The following SYNPR variants were observed in gnomAD, a reference collection of about 807,000 sequenced individuals.
The protein encoded by SYNPR is synaptoporin.
Under a neutral mutation model 32.9 loss-of-function variants are expected in SYNPR, and 23 were observed. The ratio of observed to expected loss-of-function variants is 0.70; its 90% CI spans 0.50 to 0.99. SYNPR has a LOEUF of 0.99. SYNPR is among the 50% of genes least tolerant of loss of function. The probability of loss-of-function intolerance (pLI) is 0.00; values close to 1 mark genes in which losing one functional copy is unlikely to be tolerated. For synonymous variants in SYNPR, 146 were observed against 135.9 expected (o/e 1.07, Z -0.52); for missense variants, 318 against 349.3 (o/e 0.91, Z 0.71).
At chr3:63,274,582 G>A (rs1056404644), upstream of SYNPR, among the ~76,000 whole-genome samples, 4 of 152,152 alleles carry the variant, frequency 2.6e-5, no homozygotes, top group Admixed American at 6.5e-5. Context: ...TACTAAATTG[G>A]GCTGAATGTA....
At chr3:63,441,463 G>C (rs1019439092) in intron 2 of SYNPR, among the ~76,000 whole-genome samples, 1 of 152,190 alleles carries the variant, frequency 6.6e-6, no homozygotes, top group African/African-American at 2.4e-5. Context: ...CCCCTTATCA[G>C]CCACCTGGAG....
intron 2 of SYNPR, among the ~76,000 whole-genome samples, chr3:63,449,265 T>C (rs939629080): frequency 3.9e-5 from 6 of 152,142 alleles, no homozygotes. Context: ...CATCTATCTA[T>C]TCAATAAATT....
chr3:63,489,339 G>C (rs879698280), intron 3 of SYNPR, among the ~76,000 whole-genome samples: 1 of 152,052 alleles, frequency 6.6e-6, no homozygotes, highest in Non-Finnish European at 1.5e-5. Context: ...TAATTCCCTG[G>C]GACTGCATGC....
chr3:63,265,575 T>G (rs1250705248), intron 2 of SYNPR, among the ~76,000 whole-genome samples: 1 of 152,200 alleles, frequency 6.6e-6, no homozygotes, highest in Non-Finnish European at 1.5e-5. Flanking sequence ...AAGTTTGAAA[T>G]GTATACCTTT....
At chr3:63,480,792 C>T (rs774181867) in intron 2 of SYNPR, 40 bp from the exon 3 acceptor site, 5 of 1,606,558 alleles carry the variant, frequency 3.1e-6, no homozygotes, top group East Asian at 4.5e-5. Flanking sequence ...GCAACATCAT[C>T]CTAATAACTG....
At chr3:63,365,096 A>T (rs545920589) in intron 2 of SYNPR, among the ~76,000 whole-genome samples, 6 of 152,128 alleles carry the variant, frequency 3.9e-5, no homozygotes, top group Non-Finnish European at 4.4e-5. Context: ...TTTAGGGAGG[A>T]TTAGCTGGCT....
chr3:63,583,193 C>T (rs1352050570), intron 4 of SYNPR, among the ~76,000 whole-genome samples: 1 of 151,998 alleles, frequency 6.6e-6, no homozygotes, highest in Admixed American at 6.6e-5. Context: ...TGGGGCAGGG[C>T]AGGAACAAGT....
intron 3 of SYNPR, among the ~76,000 whole-genome samples, chr3:63,553,756 T>C (rs545830866): frequency 6.6e-6 from 1 of 152,314 alleles, no homozygotes; most frequent in South Asian, 2.1e-4. Context: ...AGTTTCGCTC[T>C]TGTTGCCCAG....
intron 4 of SYNPR, among the ~76,000 whole-genome samples, chr3:63,579,813 A>ACG (rs1169449659): frequency 1.4e-5 from 2 of 146,794 alleles, no homozygotes; most frequent in African/African-American, 5.5e-5. Context: ...ACACACACAC[A>ACG]CACACACACA....
chr3:63,238,001 T>A (rs1026927139), intron 1 of SYNPR, among the ~76,000 whole-genome samples: 2 of 152,128 alleles, frequency 1.3e-5, no homozygotes, highest in East Asian at 3.9e-4. Flanking sequence ...TTGATGTTGT[T>A]GGTGGGACTC....
intron 2 of SYNPR, among the ~76,000 whole-genome samples, chr3:63,305,203 C>A (rs1418379290): frequency 1.3e-5 from 2 of 151,990 alleles, no homozygotes; most frequent in Non-Finnish European, 2.9e-5. Flanking sequence ...CATGAGTGAC[C>A]TTGAAAGTAT....
At chr3:63,461,253 T>C (rs550443130) in intron 2 of SYNPR, among the ~76,000 whole-genome samples, 5 of 152,116 alleles carry the variant, frequency 3.3e-5, no homozygotes, top group Non-Finnish European at 7.4e-5. Context: ...ATTGGACTTG[T>C]AGCATTAAGA....
rs145508680 is a variant in SYNPR at position 63,254,805 on chromosome 3, T to A, written n.154+2219T>A. 5.1e-3 allele frequency among the ~76,000 whole-genome samples: 775 copies of A among 152,282 alleles called. 6 individuals are homozygous for A. Among genetic ancestry groups the A allele is most frequent in the Non-Finnish European group, 7.9e-3 (536 of 68,016 alleles). On this transcript the variant is annotated intron_variant and non_coding_transcript_variant, in intron 2 of 4. Coordinates refer to the SYNPR transcript ENST00000478456. ...TTTAAAGAGGTAATTAAGTTATGTA[T>A]AATTTACATATAATTAAGTTATAAT...
At chr3:63,331,747 G>A (rs1372122304) in intron 2 of SYNPR, among the ~76,000 whole-genome samples, 3 of 152,168 alleles carry the variant, frequency 2.0e-5, no homozygotes, top group African/African-American at 7.2e-5. Flanking sequence ...TTCTTTATGA[G>A]GAAATTGAAA....
At position 63,476,125 on chromosome 3, in the gene SYNPR, G is replaced by GGAAGGAAGGAAGGAAA. The variant is rs1372234969; in HGVS notation, c.85-4692_85-4691insAGAAGGAAGGAAGGAA. On this transcript the variant is annotated intron_variant, in intron 2 of 5. Coordinates refer to ENST00000478300, the MANE Select transcript of SYNPR (RefSeq NM_001130003.2). ...AAGGGAGGGGGGAGGAAGGAAGGAA[G>GGAAGGAAGGAAGGAAA]GAAGGAAGGAAGGAAGGAAGGAAGG... Among the ~76,000 whole-genome samples, 36 of 32,476 alleles carry GGAAGGAAGGAAGGAAA rather than the reference G, an allele frequency of 1.1e-3. 4 individuals carry two copies. The highest frequency in any genetic ancestry group is 2.3e-3 in the Admixed American group (10 of 4,292). 21.3% of individuals were successfully genotyped at this position (32,476 alleles called of 152,430 possible).
chr3:63,329,541 C>A (rs1278616941), intron 2 of SYNPR, among the ~76,000 whole-genome samples: 2 of 152,132 alleles, frequency 1.3e-5, no homozygotes, highest in East Asian at 3.9e-4. Flanking sequence ...GAGAAAATCT[C>A]AAAATGTAAT....
chr3:63,378,329 A>G (rs17068411), intron 2 of SYNPR, among the ~76,000 whole-genome samples: 4,613 of 152,044 alleles, frequency 0.03, 251 homozygotes, highest in African/African-American at 0.1. Flanking sequence ...ACCTATATTA[A>G]TCATTCAGTT....
At chr3:63,472,788 T>C (rs1700828294) in intron 2 of SYNPR, among the ~76,000 whole-genome samples, 1 of 152,162 alleles carries the variant, frequency 6.6e-6, no homozygotes, top group South Asian at 2.1e-4. Flanking sequence ...TGCCTCTCCC[T>C]TGCTGAAAAC....
At position 63,379,247 on chromosome 3, in the gene SYNPR, T is replaced by C. The variant is rs765708639; in HGVS notation, c.84+100505T>C. Reference sequence around the variant, plus strand: ...TGTCTTTGTATGTGTTCATAGGAACTTGAAAAGTATGTATATCCTGCTGTT... The same window carrying C: ...TGTCTTTGTATGTGTTCATAGGAACCTGAAAAGTATGTATATCCTGCTGTT... On this transcript the variant is annotated intron_variant, in intron 2 of 5. Coordinates refer to ENST00000478300, the MANE Select transcript of SYNPR (RefSeq NM_001130003.2). Among the ~76,000 whole-genome samples the C allele has an allele frequency of 7.2e-5, 11 of 152,160 alleles. 1 individual carries two copies. Among genetic ancestry groups the C allele is most frequent in the Non-Finnish European group, 1.3e-4 (9 of 68,006 alleles).
Sources: allele counts gnomAD v4.1 joint callset (sites outside exome capture counted in the v4.1 genomes callset), GRCh38; gene constraint gnomAD v4.1.1; transcripts MANE v1.5; gene names NCBI Gene and HGNC (gene_info 2026-07-23, HGNC 2026-07-21).